TNNI3K: variants seen among roughly 807,000 people sequenced by gnomAD.
The protein encoded by TNNI3K is serine/threonine-protein kinase TNNI3K.
Under a neutral mutation model 114.5 loss-of-function variants are expected in TNNI3K, and 140 were observed. That is an observed-to-expected ratio of 1.22 (90% CI 1.07 to 1.41). The LOEUF (loss-of-function observed/expected upper bound fraction) is 1.41. Among genes scored for constraint, TNNI3K ranks in the 40% most tolerant of loss-of-function variants. The pLI, the probability that TNNI3K is intolerant of heterozygous loss-of-function variation, is 0.00. For synonymous variants in TNNI3K, 347 were observed against 347.5 expected (o/e 1.00, Z 0.02); for missense variants, 1,125 against 1,007.6 (o/e 1.12, Z -1.58).
intron 23 of TNNI3K, among the ~76,000 whole-genome samples, chr1:74,516,779 A>G (rs1483392851): frequency 6.6e-6 from 1 of 152,168 alleles, no homozygotes; most frequent in African/African-American, 2.4e-5. Context: ...TCATATAGCC[A>G]CATTTCCCCA....
chr1:74,249,310 G>T, intron 2 of TNNI3K, 149 bp from the exon 3 acceptor site: 1 of 742,994 alleles, frequency 1.3e-6, no homozygotes, highest in Non-Finnish European at 2.1e-6. Flanking sequence ...CATATAGAGG[G>T]TTCAAGATTC....
chr1:74,529,758 T>A (rs1248920141), intron 23 of TNNI3K, among the ~76,000 whole-genome samples: 1 of 152,228 alleles, frequency 6.6e-6, no homozygotes, highest in African/African-American at 2.4e-5. Flanking sequence ...AAGATAGTTT[T>A]TAAATGAAAA....
intron 23 of TNNI3K, among the ~76,000 whole-genome samples, chr1:74,502,683 T>G (rs1182530825): frequency 6.6e-6 from 1 of 152,234 alleles, no homozygotes; most frequent in Non-Finnish European, 1.5e-5. Context: ...CAATAGCCTT[T>G]GATTGGAGGG....
At chr1:74,349,819 C>T (rs1019509382) in intron 9 of TNNI3K, among the ~76,000 whole-genome samples, 2 of 152,072 alleles carry the variant, frequency 1.3e-5, no homozygotes, top group African/African-American at 4.8e-5. Flanking sequence ...GTGGTGATAT[C>T]CCCTGTGTCA....
intron 2 of TNNI3K, among the ~76,000 whole-genome samples, chr1:74,244,473 T>C (rs1341671702): frequency 6.6e-6 from 1 of 152,070 alleles, no homozygotes; most frequent in Non-Finnish European, 1.5e-5. Flanking sequence ...TTTATTTATG[T>C]AAATGATAAA....
intron 5 of TNNI3K, among the ~76,000 whole-genome samples, chr1:74,297,151 T>C (rs1161452164): frequency 1.3e-4 from 20 of 152,176 alleles, no homozygotes; most frequent in Admixed American, 1.3e-3. Context: ...TTTCTTTTTC[T>C]CTTTGTCTCT....
At chr1:74,441,197 C>T (rs1666360765) in intron 20 of TNNI3K, among the ~76,000 whole-genome samples, 1 of 152,078 alleles carries the variant, frequency 6.6e-6, no homozygotes, top group South Asian at 2.1e-4. Flanking sequence ...AGATGTATAA[C>T]ATTTCCATCA....
At chr1:74,406,084 G>T (rs1349056386) in intron 17 of TNNI3K, among the ~76,000 whole-genome samples, 1 of 152,192 alleles carries the variant, frequency 6.6e-6, no homozygotes, top group Non-Finnish European at 1.5e-5. Flanking sequence ...CTATTGGGAG[G>T]CTCTTGCTGG....
intron 17 of TNNI3K, among the ~76,000 whole-genome samples, chr1:74,400,168 C>T (rs970365681): frequency 3.9e-5 from 6 of 152,150 alleles, no homozygotes; most frequent in Admixed American, 3.9e-4. Flanking sequence ...TACTCTAGAC[C>T]AGGAACCTTG....
intron 5 of TNNI3K, among the ~76,000 whole-genome samples, chr1:74,294,819 T>C (rs1657883869): frequency 6.6e-6 from 1 of 152,030 alleles, no homozygotes; most frequent in Non-Finnish European, 1.5e-5. Context: ...TTTGTAATTA[T>C]TGTTTGTTTA....
At chr1:74,320,895 G>A (rs983731280) in intron 5 of TNNI3K, among the ~76,000 whole-genome samples, 1 of 152,074 alleles carries the variant, frequency 6.6e-6, no homozygotes, top group East Asian at 1.9e-4. Flanking sequence ...TAGGGGGGAG[G>A]AAAGTCATGA....
chr1:74,379,914 A>G (rs1297472263), intron 17 of TNNI3K, among the ~76,000 whole-genome samples: 1 of 152,130 alleles, frequency 6.6e-6, no homozygotes. Context: ...ATCTGCCTTC[A>G]TTAGGTCTCA....
At chr1:74,291,312 A>G (rs1212695007) in intron 5 of TNNI3K, among the ~76,000 whole-genome samples, 1 of 151,584 alleles carries the variant, frequency 6.6e-6, no homozygotes, top group Non-Finnish European at 1.5e-5. Flanking sequence ...AATCAAAGGC[A>G]TATTTTTGTG....
At chr1:74,437,947 G>T (rs928902425) in intron 19 of TNNI3K, among the ~76,000 whole-genome samples, 9 of 151,612 alleles carry the variant, frequency 5.9e-5, no homozygotes. Flanking sequence ...ATAAGCTTTT[G>T]TTGAATGTAA....
At chr1:74,380,971 A>T (rs886580535) in intron 17 of TNNI3K, among the ~76,000 whole-genome samples, 2 of 152,122 alleles carry the variant, frequency 1.3e-5, no homozygotes, top group Non-Finnish European at 2.9e-5. Flanking sequence ...TAATAAGTGG[A>T]AATTTGTTTC....
At chr1:74,239,802 G>C (rs1004518600) in intron 2 of TNNI3K, among the ~76,000 whole-genome samples, 6 of 152,128 alleles carry the variant, frequency 3.9e-5, no homozygotes, top group Admixed American at 3.9e-4. Context: ...CTAAATGTAA[G>C]ACAGAAAGAG....
chr1:74,287,864 G>A (rs1378500881), intron 5 of TNNI3K, among the ~76,000 whole-genome samples: 1 of 151,930 alleles, frequency 6.6e-6, no homozygotes, highest in African/African-American at 2.4e-5. Flanking sequence ...AAATATATAA[G>A]GAATTCAACT....
At chr1:74,312,091 T>G (rs17095121) in intron 5 of TNNI3K, among the ~76,000 whole-genome samples, 9,943 of 152,278 alleles carry the variant, frequency 0.065, 366 homozygotes, top group Middle Eastern at 0.1. Flanking sequence ...GTTACTATAC[T>G]TCTTGGGTTG....
At chr1:74,392,569 A>G (rs1663846022) in intron 17 of TNNI3K, among the ~76,000 whole-genome samples, 1 of 152,132 alleles carries the variant, frequency 6.6e-6, no homozygotes. Context: ...AGATGCAGAA[A>G]CCCCTGATTC....
Sources: allele counts gnomAD v4.1 joint callset (sites outside exome capture counted in the v4.1 genomes callset), GRCh38; gene constraint gnomAD v4.1.1; transcripts MANE v1.5; gene names NCBI Gene and HGNC (gene_info 2026-07-23, HGNC 2026-07-21).